The following SPOCK1 variants were observed in gnomAD, a reference collection of about 807,000 sequenced individuals.
SPOCK1 encodes SPARC (osteonectin), cwcv and kazal like domains proteoglycan 1.
Under a neutral mutation model 55.3 loss-of-function variants are expected in SPOCK1, and 23 were observed. The observed-to-expected ratio is 0.42, with a 90% CI of 0.30 to 0.59. The LOEUF (loss-of-function observed/expected upper bound fraction) is 0.59, where lower values mean the gene tolerates loss of function less well. Ranked by LOEUF, SPOCK1 falls within the 20% of genes least tolerant of loss-of-function variation. The probability of loss-of-function intolerance (pLI) is 0.22; values close to 1 mark genes in which losing one functional copy is unlikely to be tolerated. For synonymous variants in SPOCK1, 226 were observed against 221.0 expected (o/e 1.02, Z -0.20); for missense variants, 499 against 552.5 (o/e 0.90, Z 0.97).
chr5:137,477,739 C>T (rs1272740253), intron 2 of SPOCK1, among the ~76,000 whole-genome samples: 1 of 152,056 alleles, frequency 6.6e-6, no homozygotes, highest in Non-Finnish European at 1.5e-5. Flanking sequence ...AACAGAGCAC[C>T]CCTTGCTAAG....
intron 2 of SPOCK1, among the ~76,000 whole-genome samples, chr5:137,351,590 G>C (rs1371363812): frequency 6.6e-6 from 1 of 152,140 alleles, no homozygotes; most frequent in African/African-American, 2.4e-5. Context: ...TCCCAGTTCT[G>C]TTTCACAGCC....
At chr5:137,398,344 G>A (rs564982070) in intron 2 of SPOCK1, among the ~76,000 whole-genome samples, 54 of 152,306 alleles carry the variant, frequency 3.5e-4, no homozygotes, top group Non-Finnish European at 6.5e-4. Flanking sequence ...ATCACCCTGG[G>A]AGATGGGCCA....
At chr5:137,405,675 C>T (rs778518235) in intron 2 of SPOCK1, among the ~76,000 whole-genome samples, 16 of 152,152 alleles carry the variant, frequency 1.1e-4, no homozygotes, top group African/African-American at 1.9e-4. Flanking sequence ...ACAAACCCAC[C>T]GACAACATCG....
chr5:137,122,814 A>G (rs892022846), intron 4 of SPOCK1, among the ~76,000 whole-genome samples: 10 of 152,236 alleles, frequency 6.6e-5, no homozygotes, highest in African/African-American at 1.9e-4. Context: ...CGCTGTTCTA[A>G]TCTTGGAAAA....
intron 6 of SPOCK1, among the ~76,000 whole-genome samples, chr5:137,043,400 C>G (rs574509050): frequency 1.2e-4 from 18 of 152,246 alleles, no homozygotes; most frequent in African/African-American, 4.3e-4. Flanking sequence ...GAAGCATCTA[C>G]ATAAGGAGAT....
rs1754270986 is a variant in SPOCK1, at chr5:137,495,075, A to C, written c.186+3298T>G. 2.0e-5 allele frequency among the ~76,000 whole-genome samples: 3 copies of C among 152,252 alleles called. No homozygotes were observed. The South Asian group carries it at 6.2e-4, about 32-fold the overall frequency. On this transcript the variant is annotated intron_variant, in intron 2 of 10. Coordinates refer to ENST00000394945, the MANE Select transcript of SPOCK1 (RefSeq NM_004598.4). Reference sequence around the variant, plus strand: ...CAAAACTTCCCAATTGCTAGTGTTTATAAAAGAAGAATGACAAAACTAACA... The same window carrying C: ...CAAAACTTCCCAATTGCTAGTGTTTCTAAAAGAAGAATGACAAAACTAACA...
At chr5:137,174,333 C>T (rs72794528) in intron 3 of SPOCK1, among the ~76,000 whole-genome samples, 139 of 152,362 alleles carry the variant, frequency 9.1e-4, no homozygotes, top group Non-Finnish European at 1.2e-3. Context: ...GTCCCCTCCA[C>T]GGGGAAGAGA....
chr5:137,165,952 TG>T (rs1297631237), intron 3 of SPOCK1, among the ~76,000 whole-genome samples: 2 of 152,134 alleles, frequency 1.3e-5, no homozygotes, highest in African/African-American at 2.4e-5. Flanking sequence ...TAAGAGTTAT[TG>T]GCCTTAAAGA....
intron 2 of SPOCK1, among the ~76,000 whole-genome samples, chr5:137,417,957 C>T (rs1340731019): frequency 6.6e-6 from 1 of 152,158 alleles, no homozygotes; most frequent in Non-Finnish European, 1.5e-5. Context: ...CTCCCCCCTC[C>T]CGCTACCCTA....
At chr5:137,340,366 A>G (rs1750391947) in intron 2 of SPOCK1, among the ~76,000 whole-genome samples, 1 of 152,190 alleles carries the variant, frequency 6.6e-6, no homozygotes, top group Non-Finnish European at 1.5e-5. Flanking sequence ...ATGCTGGATA[A>G]TAATTAGTGC....
intron 6 of SPOCK1, among the ~76,000 whole-genome samples, chr5:137,002,409 A>G (rs564715777): frequency 6.6e-6 from 1 of 152,118 alleles, no homozygotes; most frequent in African/African-American, 2.4e-5. Context: ...AATCTAGATC[A>G]GGGAAGTTAG....
In SPOCK1 at chr5:136,992,571, C is replaced by G; in HGVS notation, c.619G>C (p.Ala207Pro). The G allele has an allele frequency of 6.2e-7, 1 of 1,613,860 alleles. No individual in the cohort carries two copies. Among genetic ancestry groups the G allele is most frequent in the Non-Finnish European group, 8.5e-7 (1 of 1,179,882 alleles). The change falls in exon 7 of 11, where the codon GCC becomes CCC. Residue 207 changes from alanine (A) to proline (P), a missense_variant. Ala to Pro is a conservative substitution (Grantham distance 27, BLOSUM62 -1). This residue lies in a region of SPOCK1 where 386 missense variants were observed against 400.6 expected (regional missense o/e 0.96). Coordinates refer to ENST00000394945, the MANE Select transcript of SPOCK1 (RefSeq NM_004598.4). ...ACTDKELRNL[A>P]SRLKDWFGAL... Reference sequence around the variant, plus strand: ...CCAAACCAATCCTTCAGCCGGGAGGCAAGGTTCCGCAACTCCTTGTCTGTG... The same window carrying G: ...CCAAACCAATCCTTCAGCCGGGAGGGAAGGTTCCGCAACTCCTTGTCTGTG...
chr5:136,987,595 C>T (rs141800691), intron 8 of SPOCK1, among the ~76,000 whole-genome samples: 194 of 152,342 alleles, frequency 1.3e-3, no homozygotes, highest in African/African-American at 4.4e-3. Context: ...CCCATACACA[C>T]ATACTTACCT....
At chr5:137,446,385 C>G (rs1753128078) in intron 2 of SPOCK1, among the ~76,000 whole-genome samples, 1 of 152,094 alleles carries the variant, frequency 6.6e-6, no homozygotes, top group East Asian at 1.9e-4. Flanking sequence ...CAGGAAGAAA[C>G]AGATTATAGA....
At position 137,473,798 on chromosome 5, in the gene SPOCK1, C is replaced by T. The variant is rs1247242770; in HGVS notation, c.186+24575G>A. On this transcript the variant is annotated intron_variant, in intron 2 of 10. Transcript: ENST00000394945. Reference sequence around the variant, plus strand: ...TCTACAGCACCCGAATTATTTTCTTCGCACTGTTAGGATAACCTCACTTCA... The same window carrying T: ...TCTACAGCACCCGAATTATTTTCTTTGCACTGTTAGGATAACCTCACTTCA... Among the ~76,000 whole-genome samples, 3 of 152,188 alleles carry T rather than the reference C, an allele frequency of 2.0e-5. 1 individual carries two copies. The highest frequency in any genetic ancestry group is 6.5e-5 in the Admixed American group (1 of 15,282).
chr5:137,358,078 G>C (rs962833595), intron 2 of SPOCK1, among the ~76,000 whole-genome samples: 1 of 152,048 alleles, frequency 6.6e-6, no homozygotes, highest in Non-Finnish European at 1.5e-5. Flanking sequence ...AATCCTGAAG[G>C]TTTTTCTATG....
At chr5:137,339,714 G>A (rs73296886) in intron 2 of SPOCK1, among the ~76,000 whole-genome samples, 3,972 of 152,192 alleles carry the variant, frequency 0.026, 203 homozygotes, top group African/African-American at 0.09. Flanking sequence ...GTTCATGGCT[G>A]ATGAGAGGTT....
intron 4 of SPOCK1, among the ~76,000 whole-genome samples, chr5:137,115,894 G>T (rs1343722965): frequency 1.3e-5 from 2 of 152,166 alleles, no homozygotes; most frequent in African/African-American, 4.8e-5. Context: ...CCCAGTCAAG[G>T]CAAGGGACTA....
intron 6 of SPOCK1, among the ~76,000 whole-genome samples, chr5:137,061,716 T>A (rs1752396051): frequency 6.7e-6 from 1 of 150,034 alleles, no homozygotes; most frequent in Admixed American, 6.6e-5. Flanking sequence ...CCTTGGAGAA[T>A]GTTCTGTTTC....
Sources: allele counts gnomAD v4.1 joint callset (sites outside exome capture counted in the v4.1 genomes callset), GRCh38; gene constraint gnomAD v4.1.1; regional missense constraint gnomAD v4.1.1; transcripts MANE v1.5; gene names NCBI Gene and HGNC (gene_info 2026-07-23, HGNC 2026-07-21).